CDH4: variants seen among roughly 807,000 people sequenced by gnomAD.
CDH4 encodes cadherin 4.
CDH4 carries 33 observed loss-of-function variants against 86.0 expected under a neutral mutation model. The ratio of observed to expected loss-of-function variants is 0.38; its 90% CI spans 0.29 to 0.51. The LOEUF is 0.51. CDH4 is among the 20% of genes least tolerant of loss of function. CDH4 has a pLI of 0.86. For synonymous variants in CDH4, 555 were observed against 549.4 expected (o/e 1.01, Z -0.14); for missense variants, 1,114 against 1,307.4 (o/e 0.85, Z 2.28).
intron 6 of CDH4, among the ~76,000 whole-genome samples, chr20:61,858,167 G>A (rs1983127316): frequency 8.4e-6 from 1 of 118,990 alleles, no homozygotes; most frequent in Non-Finnish European, 1.8e-5. Flanking sequence ...GTGTGTCTCT[G>A]TGTGTCTGTG....
chr20:61,328,336 T>C (rs903695728), intron 2 of CDH4, among the ~76,000 whole-genome samples: 6 of 152,252 alleles, frequency 3.9e-5, no homozygotes, highest in Non-Finnish European at 5.9e-5. Context: ...CCACCATGCC[T>C]GGCTAATTTT....
intron 2 of CDH4, among the ~76,000 whole-genome samples, chr20:61,306,204 T>C (rs1355588207): frequency 1.3e-5 from 2 of 152,188 alleles, no homozygotes; most frequent in East Asian, 3.9e-4. Flanking sequence ...AGATAGATGA[T>C]TGTGAATCTG....
At chr20:61,654,312 G>A (rs1220024570) in intron 2 of CDH4, among the ~76,000 whole-genome samples, 2 of 152,202 alleles carry the variant, frequency 1.3e-5, no homozygotes, top group African/African-American at 2.4e-5. Flanking sequence ...GCAATCGCAA[G>A]CACTCGGCAG....
intron 2 of CDH4, among the ~76,000 whole-genome samples, chr20:61,653,847 C>T (rs1195144333): frequency 7.4e-6 from 1 of 134,752 alleles, no homozygotes; most frequent in Non-Finnish European, 1.7e-5. Flanking sequence ...CAGAGACGCT[C>T]CTCACTTCCT....
In CDH4 at chr20:61,557,444, T is replaced by G. The variant is rs527793362; in HGVS notation, c.170-186119T>G. Among the ~76,000 whole-genome samples, 3 of 152,336 alleles carry G rather than the reference T, an allele frequency of 2.0e-5. No individual in the cohort carries two copies. In the South Asian group the frequency reaches 6.2e-4, roughly 32 times the overall value. Reference sequence around the variant, plus strand: ...CTTTCACTAAGACCACACAAGATCATGCAAAAGCCAATTCCATTCCATGGT... The same window carrying G: ...CTTTCACTAAGACCACACAAGATCAGGCAAAAGCCAATTCCATTCCATGGT... On this transcript the variant is annotated intron_variant, in intron 2 of 15. Transcript: ENST00000614565.
chr20:61,357,964 G>T (rs2084761153), intron 2 of CDH4, among the ~76,000 whole-genome samples: 2 of 152,098 alleles, frequency 1.3e-5, no homozygotes, highest in Non-Finnish European at 2.9e-5. Context: ...ATTTGGCAGG[G>T]CGTGGCGGGG....
intron 2 of CDH4, among the ~76,000 whole-genome samples, chr20:61,284,209 G>A (rs2084280982): frequency 6.6e-6 from 1 of 152,076 alleles, no homozygotes; most frequent in South Asian, 2.1e-4. Flanking sequence ...CAGCTACTTG[G>A]GAGGCTGAGG....
chr20:61,602,309 TAG>T (rs1233145283), intron 2 of CDH4, among the ~76,000 whole-genome samples: 12 of 152,092 alleles, frequency 7.9e-5, no homozygotes, highest in African/African-American at 2.9e-4. Context: ...CGGTCCCCAG[TAG>T]GGTGGAAAAT....
chr20:61,540,949 G>A (rs112581583), intron 2 of CDH4, among the ~76,000 whole-genome samples: 6 of 152,202 alleles, frequency 3.9e-5, no homozygotes, highest in South Asian at 2.1e-4. Flanking sequence ...GTTCAAGCCC[G>A]TGCCATCCTT....
rs369634030 is a variant in CDH4, at chr20:61,932,902, C to G, written c.2240-83C>G. ...CTTGTGTGCCACCTGCATGTACATG[C>G]CCACATAGACACATGGCAAACACAG... On this transcript the variant is annotated intron_variant, in intron 13 of 15. Transcript: ENST00000614565. 2.6e-5 allele frequency: 40 copies of G among 1,536,144 alleles called. No homozygotes were observed. The African/African-American group carries it at 3.3e-4, about 13-fold the overall frequency.
At chr20:61,329,475 T>TTTAAGCCCAGTGTGCTGC (rs1167421178) in intron 2 of CDH4, among the ~76,000 whole-genome samples, 12 of 136,634 alleles carry the variant, frequency 8.8e-5, no homozygotes, top group African/African-American at 1.4e-4. Context: ...TTGAGGTGGC[T>TTTAAGCCCAGTGTGCTGC]GTGAGTGGCT....
rs73915013 is a variant in CDH4 at position 61,393,597 on chromosome 20, G to A, written c.169+138660G>A. Among the ~76,000 whole-genome samples the A allele has an allele frequency of 0.023, 3,525 of 152,204 alleles. 159 individuals carry two copies. The highest frequency in any genetic ancestry group is 0.081 in the African/African-American group (3,370 of 41,500). On this transcript the variant is annotated intron_variant, in intron 2 of 15. Coordinates refer to ENST00000614565, the MANE Select transcript of CDH4 (RefSeq NM_001794.5). The surrounding 1 kb of genome is among the most constrained non-coding windows in gnomAD (Gnocchi z 4.3). ...GCCACTTGGCTGAACCCTATTCTAG[G>A]TGTTGGCAAGGTAGGTGTTGAGTAA... is the stretch of plus-strand genomic sequence containing the variant.
At chr20:61,276,025 G>A (rs1600826463) in intron 2 of CDH4, among the ~76,000 whole-genome samples, 1 of 152,290 alleles carries the variant, frequency 6.6e-6, no homozygotes, top group African/African-American at 2.4e-5. Context: ...CACTGACAGC[G>A]GGTTCGTTAT....
chr20:61,289,358 T>C (rs539811272), intron 2 of CDH4, among the ~76,000 whole-genome samples: 2 of 152,292 alleles, frequency 1.3e-5, no homozygotes, highest in African/African-American at 4.8e-5. Flanking sequence ...CCAGGGTCAT[T>C]TGGCCCCCAG....
chr20:61,499,515 G>A lies in CDH4; in HGVS notation c.170-244048G>A, dbSNP rs543216444. 6 of 1,288,810 alleles carry A rather than the reference G, an allele frequency of 4.7e-6. No homozygotes were observed. In the African/African-American group the frequency reaches 7.6e-5, roughly 16 times the overall value. The allele number at this position is 1,288,810 out of a possible 1,614,324, so 79.8% of individuals were successfully genotyped here. On this transcript the variant is annotated intron_variant, in intron 2 of 15. Transcript: ENST00000614565. ...AAGGCAAGTGTGAGTGTGCTAGGGG[G>A]GCTTAGGGTTGTTTGTGGGCCACTT...
intron 2 of CDH4, among the ~76,000 whole-genome samples, chr20:61,466,581 T>A (rs1156638578): frequency 6.6e-6 from 1 of 152,156 alleles, no homozygotes; most frequent in Non-Finnish European, 1.5e-5. Context: ...CGGTGGTTCA[T>A]GCCTATAATC....
intron 2 of CDH4, among the ~76,000 whole-genome samples, chr20:61,590,001 G>A (rs1054208369): frequency 6.6e-6 from 1 of 151,952 alleles, no homozygotes; most frequent in African/African-American, 2.4e-5. Context: ...GGGAGAGGGA[G>A]TCTCAGGCAG....
chr20:61,465,991 G>A (rs1167523763), intron 2 of CDH4, among the ~76,000 whole-genome samples: 1 of 151,900 alleles, frequency 6.6e-6, no homozygotes, highest in Non-Finnish European at 1.5e-5. Context: ...GTTTAGAATG[G>A]CCAGGCAATG....
At chr20:61,720,742 A>C (rs1251619520) in intron 2 of CDH4, among the ~76,000 whole-genome samples, 2 of 152,020 alleles carry the variant, frequency 1.3e-5, no homozygotes, top group Non-Finnish European at 2.9e-5. Context: ...TATTCAGCTA[A>C]ACCTCCCAGC....
Sources: gnomAD v4.1 joint callset for allele counts (sites outside exome capture counted in the v4.1 genomes callset) on GRCh38, gnomAD v4.1.1 for gene constraint, Gnocchi (gnomAD v3.1) non-coding constraint, MANE v1.5 for transcripts, NCBI Gene and HGNC (gene_info 2026-07-23, HGNC 2026-07-21) for gene names.